Variants in PKIG observed in about 807,000 individuals in gnomAD.
PKIG encodes the protein cAMP-dependent protein kinase inhibitor gamma.
A neutral mutation model predicts 6.8 loss-of-function variants in PKIG; 1 was observed. The observed-to-expected ratio is 0.15, with a 90% CI of 0.05 to 0.69. PKIG has a LOEUF of 0.69. Among genes scored for constraint, PKIG ranks in the 30% least tolerant of loss-of-function variants. The pLI is 0.82. For missense variants in PKIG, 77 were observed against 104.0 expected (o/e 0.74, Z 1.13); for synonymous variants, 39 against 43.0 (o/e 0.91, Z 0.36).
chr20:44,551,583 A>G (rs1429797205), intron 1 of PKIG, among the ~76,000 whole-genome samples: 1 of 152,160 alleles, frequency 6.6e-6, no homozygotes, highest in African/African-American at 2.4e-5. Flanking sequence ...CTTGGTCTCT[A>G]CCTACTAAAT....
chr20:44,609,489 G>A (rs2065194463), intron 2 of PKIG, among the ~76,000 whole-genome samples: 2 of 152,326 alleles, frequency 1.3e-5, no homozygotes, highest in South Asian at 4.1e-4. Context: ...TCCCCACAGA[G>A]GACAGGCGGG....
At chr20:44,585,831 C>T (rs1206367233) in intron 1 of PKIG, among the ~76,000 whole-genome samples, 1 of 152,242 alleles carries the variant, frequency 6.6e-6, no homozygotes, top group East Asian at 1.9e-4. Context: ...ATTTGCAGCC[C>T]TGCATCTGGT....
intron 1 of PKIG, among the ~76,000 whole-genome samples, chr20:44,538,064 A>G (rs985816361): frequency 6.6e-6 from 1 of 152,184 alleles, no homozygotes; most frequent in African/African-American, 2.4e-5. Context: ...GGACAATATA[A>G]GGTATACAGT....
intron 3 of PKIG, among the ~76,000 whole-genome samples, chr20:44,617,479 G>T (rs779087170): frequency 6.6e-6 from 1 of 152,116 alleles, no homozygotes; most frequent in Non-Finnish European, 1.5e-5. Flanking sequence ...GGTCCAGTGG[G>T]TGGCAGGAGC....
At chr20:44,577,923 C>T (rs1379583914), upstream of PKIG, among the ~76,000 whole-genome samples, 1 of 152,086 alleles carries the variant, frequency 6.6e-6, no homozygotes, top group African/African-American at 2.4e-5. Context: ...GGAAGTGGGC[C>T]CTGGTGGGAG....
upstream of PKIG, among the ~76,000 whole-genome samples, chr20:44,577,586 AAAC>A (rs1419213244): frequency 1.6e-4 from 25 of 152,204 alleles, no homozygotes; most frequent in African/African-American, 5.6e-4. Flanking sequence ...AATTGGAAGA[AAAC>A]AAAATCTACT....
intron 1 of PKIG, among the ~76,000 whole-genome samples, chr20:44,539,322 T>G (rs1240912675): frequency 6.6e-6 from 1 of 152,074 alleles, no homozygotes; most frequent in African/African-American, 2.4e-5. Flanking sequence ...TGATTGATGA[T>G]CTCTTAAATC....
intron 1 of PKIG, among the ~76,000 whole-genome samples, chr20:44,549,718 G>A (rs1269358308): frequency 6.6e-6 from 1 of 152,140 alleles, no homozygotes; most frequent in Non-Finnish European, 1.5e-5. Flanking sequence ...TCAGCTACTT[G>A]GGAGGCTGAG....
At chr20:44,584,697 G>A (rs777584072) in intron 1 of PKIG, among the ~76,000 whole-genome samples, 1 of 151,620 alleles carries the variant, frequency 6.6e-6, no homozygotes, top group African/African-American at 2.4e-5. Context: ...GTTAATAAGA[G>A]GGTTCTCAAA....
At chr20:44,548,295 G>T (rs1849282807) in intron 1 of PKIG, among the ~76,000 whole-genome samples, 2 of 152,186 alleles carry the variant, frequency 1.3e-5, no homozygotes, top group Admixed American at 1.3e-4. Context: ...TGGTTTTCTA[G>T]TCTGGAGGGA....
chr20:44,546,529 T>A (rs2064615346), intron 1 of PKIG, among the ~76,000 whole-genome samples: 1 of 151,612 alleles, frequency 6.6e-6, no homozygotes. Flanking sequence ...CAGAGACATC[T>A]TCTCTAGTAT....
chr20:44,557,867 T>A lies in PKIG; in HGVS notation c.-240-24718T>A, dbSNP rs1269651012. Among the ~76,000 whole-genome samples the A allele has an allele frequency of 2.6e-5, 4 of 151,808 alleles. No homozygotes were observed. The East Asian group carries it at 7.7e-4, about 29-fold the overall frequency. On this transcript the variant is annotated intron_variant, in intron 1 of 4. Transcript: ENST00000372887. ...AAAAAAAAAGCTGTGGTGGAGTATA[T>A]GGTACAAACATGAGACTTGGTGCTC...
chr20:44,554,930 G>A (rs1436995535), intron 1 of PKIG, among the ~76,000 whole-genome samples: 2 of 152,126 alleles, frequency 1.3e-5, no homozygotes, highest in African/African-American at 2.4e-5. Flanking sequence ...CTATAGTAAT[G>A]TGACATTTTT....
At chr20:44,557,201 A>G (rs1307541876) in intron 1 of PKIG, among the ~76,000 whole-genome samples, 1 of 152,152 alleles carries the variant, frequency 6.6e-6, no homozygotes, top group Admixed American at 6.6e-5. Context: ...TGTTTTAAAA[A>G]AAACTATACC....
chr20:44,535,305 A>G (rs2064502413), intron 1 of PKIG, among the ~76,000 whole-genome samples: 1 of 152,152 alleles, frequency 6.6e-6, no homozygotes, highest in Non-Finnish European at 1.5e-5. Context: ...ACAGGTGTCT[A>G]TCATAAGACA....
chr20:44,551,113 A>C (rs1372022000), intron 1 of PKIG, among the ~76,000 whole-genome samples: 1 of 151,984 alleles, frequency 6.6e-6, no homozygotes, highest in Non-Finnish European at 1.5e-5. Flanking sequence ...CCCAGGCTGG[A>C]GTGCAGTGAT....
At chr20:44,572,455 G>A (rs530580237) in intron 1 of PKIG, among the ~76,000 whole-genome samples, 6 of 152,132 alleles carry the variant, frequency 3.9e-5, no homozygotes, top group Non-Finnish European at 7.4e-5. Context: ...GGAAATAAAT[G>A]GATTAAAAGT....
chr20:44,615,000 A>T lies in PKIG; in HGVS notation c.151+293A>T, dbSNP rs954444949. On this transcript the variant is annotated intron_variant, in intron 3 of 3. Coordinates refer to ENST00000372886, the MANE Select transcript of PKIG (RefSeq NM_001281445.2). The surrounding 1 kb of genome is among the most constrained non-coding windows in gnomAD (Gnocchi z 4.6). ...CCCACAGCTATACCTGGCTCTGGCC[A>T]CTCACAGCTCTCACCTGGCTGACTT... Among the ~76,000 whole-genome samples the T allele has an allele frequency of 6.6e-6, 1 of 151,564 alleles. No individual in the cohort carries two copies. Among genetic ancestry groups the T allele is most frequent in the Non-Finnish European group, 1.5e-5 (1 of 67,876 alleles).
intron 2 of PKIG, among the ~76,000 whole-genome samples, chr20:44,605,959 A>G (rs1230695690): frequency 6.6e-6 from 1 of 152,162 alleles, no homozygotes; most frequent in Non-Finnish European, 1.5e-5. Context: ...CTAATCTTAG[A>G]GTGGGGAAGA....
Sources: gnomAD v4.1 joint callset for allele counts (sites outside exome capture counted in the v4.1 genomes callset) on GRCh38, gnomAD v4.1.1 for gene constraint, Gnocchi (gnomAD v3.1) non-coding constraint, MANE v1.5 for transcripts, NCBI Gene and HGNC (gene_info 2026-07-23, HGNC 2026-07-21) for gene names.